PLAAT3: variants seen among roughly 807,000 people sequenced by gnomAD.
The protein encoded by PLAAT3 is phospholipase A and acyltransferase 3.
A neutral mutation model predicts 16.7 loss-of-function variants in PLAAT3; 21 were observed. That is an observed-to-expected ratio of 1.26 (90% CI 0.89 to 1.81). The LOEUF is 1.81. Among genes scored for constraint, PLAAT3 ranks in the 40% most tolerant of loss-of-function variants. PLAAT3 has a pLI of 0.00. For synonymous variants in PLAAT3, 76 were observed against 81.7 expected (o/e 0.93, Z 0.38); for missense variants, 219 against 213.7 (o/e 1.02, Z -0.16).
upstream of PLAAT3, among the ~76,000 whole-genome samples, chr11:63,615,810 GA>G (rs1938859523): frequency 6.6e-6 from 1 of 151,690 alleles, no homozygotes; most frequent in Non-Finnish European, 1.5e-5. Flanking sequence ...TGGGATTACA[GA>G]CGTGCACCAC....
chr11:63,600,633 C>T (rs1239123197), intron 2 of PLAAT3, among the ~76,000 whole-genome samples: 2 of 145,420 alleles, frequency 1.4e-5, no homozygotes, highest in African/African-American at 5.6e-5. Context: ...GACAGACTCT[C>T]GCTCTGTCTC....
At chr11:63,598,250 TC>T in intron 2 of PLAAT3, 87 bp from the exon 3 acceptor site, 1 of 845,702 alleles carries the variant, frequency 1.2e-6, no homozygotes. Context: ...AGCTGAGTGG[TC>T]CCCAGCTATC....
chr11:63,608,043 G>A lies in PLAAT3; in HGVS notation c.15+5957C>T, dbSNP rs115734233. On this transcript the variant is annotated intron_variant, in intron 2 of 4. Transcript: ENST00000415826. ...CTACTAAAAATATAAAAAATTAGGC[G>A]TAGTGGCACGTGCCTGTAGTCCCAG... is the stretch of plus-strand genomic sequence containing the variant. Among the ~76,000 whole-genome samples, 961 of 152,028 alleles carry A rather than the reference G, an allele frequency of 6.3e-3. 12 individuals carry two copies. Among genetic ancestry groups the A allele is most frequent in the African/African-American group, 0.022 (925 of 41,460 alleles).
intron 4 of PLAAT3, among the ~76,000 whole-genome samples, chr11:63,589,754 G>A (rs1938091313): frequency 6.6e-6 from 1 of 152,182 alleles, no homozygotes; most frequent in Non-Finnish European, 1.5e-5. Flanking sequence ...CTTAAGCTCA[G>A]TTTCCCAATC....
chr11:63,606,750 G>C (rs905823448), intron 2 of PLAAT3, among the ~76,000 whole-genome samples: 27 of 152,212 alleles, frequency 1.8e-4, no homozygotes, highest in Admixed American at 3.3e-4. Context: ...GGAGGCCAAC[G>C]AGGCCGGAGT....
chr11:63,600,696 G>A (rs1162122294), intron 2 of PLAAT3, among the ~76,000 whole-genome samples: 3 of 151,660 alleles, frequency 2.0e-5, no homozygotes, highest in South Asian at 2.1e-4. Context: ...TCCACCTCCC[G>A]GGTTCAAGCG....
chr11:63,581,815 T>G (rs1320593130), intron 4 of PLAAT3, among the ~76,000 whole-genome samples: 2 of 152,208 alleles, frequency 1.3e-5, no homozygotes, highest in African/African-American at 4.8e-5. Flanking sequence ...CTCTTTCTCT[T>G]TATTTCTCAG....
intron 2 of PLAAT3, among the ~76,000 whole-genome samples, chr11:63,602,729 C>T (rs1262957941): frequency 6.6e-6 from 1 of 152,160 alleles, no homozygotes; most frequent in Non-Finnish European, 1.5e-5. Flanking sequence ...TGTGTCTACC[C>T]TGGCTCCTCT....
chr11:63,615,038 A>ATG (rs1565259505), upstream of PLAAT3, among the ~76,000 whole-genome samples: 51 of 24,086 alleles, frequency 2.1e-3, 5 homozygotes, highest in African/African-American at 2.5e-3. Flanking sequence ...GTGTGTATAT[A>ATG]TATGTATATA....
At chr11:63,608,937 G>A (rs1938629532) in intron 2 of PLAAT3, among the ~76,000 whole-genome samples, 1 of 152,126 alleles carries the variant, frequency 6.6e-6, no homozygotes, top group African/African-American at 2.4e-5. Flanking sequence ...CTGATTTGTG[G>A]GATTATCCTG....
chr11:63,590,286 A>T lies in PLAAT3; in HGVS notation c.201T>A (p.Asp67Glu), dbSNP rs1176579957. 6.2e-6 allele frequency: 10 copies of T among 1,614,178 alleles called. No homozygotes were observed. Among genetic ancestry groups the T allele is most frequent in the Middle Eastern group, 1.6e-4 (1 of 6,062 alleles). Residue 67 changes from aspartate to glutamate, a missense_variant, in exon 4 of 5, where the codon GAT (aspartate) becomes GAA (glutamate). Asp to Glu is a conservative substitution (Grantham distance 45, BLOSUM62 2). Transcript: ENST00000415826. ...KAIVKKELLYDVAGSDKYQVN... is the reference protein window; with the variant it reads ...KAIVKKELLYEVAGSDKYQVN... ...CCTGGTACTTGTCACTCCCGGCCAC[A>T]TCATACAGCAATTCCTTCTTCACGA...
chr11:63,579,207 A>T (rs953864338), intron 4 of PLAAT3, among the ~76,000 whole-genome samples: 12 of 152,238 alleles, frequency 7.9e-5, no homozygotes, highest in African/African-American at 2.4e-4. Context: ...GGCGATCATT[A>T]AAAAGTCAGG....
chr11:63,574,627 C>T lies in PLAAT3; in HGVS notation c.*318G>A, dbSNP rs1590676694. The T allele has an allele frequency of 3.8e-6, 1 of 260,408 alleles. No homozygotes were observed. The highest frequency in any genetic ancestry group is 7.4e-6 in the Non-Finnish European group (1 of 135,070). The allele number at this position is 260,408 out of a possible 1,614,324, so 16.1% of individuals were successfully genotyped here. ...TCCGCCCCGCATGTATCCTGACGAC[C>T]AGAAACGCCCTCTACTTGAGATAAC... On this transcript the variant is annotated 3_prime_UTR_variant, in exon 5 of 5. Transcript: ENST00000415826.
At chr11:63,587,264 G>C (rs1338450221) in intron 4 of PLAAT3, among the ~76,000 whole-genome samples, 1 of 152,020 alleles carries the variant, frequency 6.6e-6, no homozygotes, top group African/African-American at 2.4e-5. Flanking sequence ...ATAGACCCGT[G>C]CAAGGTAATA....
intron 1 of PLAAT3, 89 bp from the exon 2 acceptor site, chr11:63,614,157 G>A (rs1938769565): frequency 7.1e-6 from 8 of 1,133,600 alleles, no homozygotes; most frequent in Non-Finnish European, 1.0e-5. Flanking sequence ...TGGGCAGGGC[G>A]TGAGAGGCGC....
chr11:63,615,866 G>A (rs1315776542), upstream of PLAAT3, among the ~76,000 whole-genome samples: 1 of 151,150 alleles, frequency 6.6e-6, no homozygotes, highest in Non-Finnish European at 1.5e-5. Context: ...CAGGGTTTCA[G>A]CATGTTGACC....
chr11:63,579,436 C>G (rs1257752519), intron 4 of PLAAT3, among the ~76,000 whole-genome samples: 1 of 151,944 alleles, frequency 6.6e-6, no homozygotes, highest in Non-Finnish European at 1.5e-5. Flanking sequence ...ATGTTTATTG[C>G]AGCACTATTC....
intron 4 of PLAAT3, among the ~76,000 whole-genome samples, chr11:63,577,852 G>A (rs1192880421): frequency 6.6e-5 from 10 of 151,448 alleles, no homozygotes; most frequent in Middle Eastern, 3.4e-3. Flanking sequence ...AAATAAAAAC[G>A]GTTCATAGAA....
At chr11:63,611,996 G>A (rs887719574) in intron 2 of PLAAT3, among the ~76,000 whole-genome samples, 7 of 152,208 alleles carry the variant, frequency 4.6e-5, no homozygotes, top group Admixed American at 3.9e-4. Flanking sequence ...AAATTAGCCA[G>A]GCGCGGTGGC....
Sources: gnomAD v4.1 joint callset for allele counts (sites outside exome capture counted in the v4.1 genomes callset) on GRCh38, gnomAD v4.1.1 for gene constraint, MANE v1.5 for transcripts, NCBI Gene and HGNC (gene_info 2026-07-23, HGNC 2026-07-21) for gene names.